Variants in STX7 observed in about 807,000 individuals in gnomAD.
The protein encoded by STX7 is syntaxin-7.
In STX7, 34 loss-of-function variants were observed where a neutral mutation model predicts 39.6. The observed-to-expected ratio is 0.86, with a 90% CI of 0.65 to 1.14. The LOEUF (loss-of-function observed/expected upper bound fraction) is 1.14, where lower values mean the gene tolerates loss of function less well. Ranked by LOEUF, STX7 falls within the 50% of genes most tolerant of loss-of-function variation. STX7 has a pLI of 0.00. For synonymous variants in STX7, 119 were observed against 99.1 expected, an observed-to-expected ratio of 1.20 and a Z score of -1.19; for missense variants, 284 against 310.4, an observed-to-expected ratio of 0.92 and a Z score of 0.64.
chr6:132,470,278 G>C lies in STX7; in HGVS notation c.441-231C>G, dbSNP rs1190075961. Among the ~76,000 whole-genome samples, 3 of 151,828 alleles carry C rather than the reference G, an allele frequency of 2.0e-5. No homozygotes were observed. In the East Asian group the frequency reaches 5.8e-4, roughly 29 times the overall value. Reference sequence around the variant, plus strand: ...AGTTTAGAGTTATTACTTAATTATTGGAAGCTGTATCTGTCAACTGGGTAT... The same window carrying C: ...AGTTTAGAGTTATTACTTAATTATTCGAAGCTGTATCTGTCAACTGGGTAT... On this transcript the variant is annotated intron_variant, in intron 6 of 9. Transcript: ENST00000367941.
At chr6:132,507,907 T>C (rs568094682) in intron 1 of STX7, among the ~76,000 whole-genome samples, 16 of 152,240 alleles carry the variant, frequency 1.1e-4, no homozygotes, top group Non-Finnish European at 2.2e-4. Flanking sequence ...CGCACATCCA[T>C]GTCTCCAGCT....
At chr6:132,489,260 T>C (rs1582669764) in intron 2 of STX7, among the ~76,000 whole-genome samples, 2 of 139,376 alleles carry the variant, frequency 1.4e-5, no homozygotes, top group African/African-American at 5.4e-5. Flanking sequence ...AGAAATGGCA[T>C]AGATCTTTGT....
Position 132,455,199 on chromosome 6 carries a change from T to C in STX7, c.*5559A>G, listed in dbSNP as rs1183791237. On this transcript the variant is annotated 3_prime_UTR_variant, in exon 10 of 10. Transcript: ENST00000367941. Reference sequence around the variant, plus strand: ...CATCTTACTTGGATTAAAAACCTAATTTCTAGAAAACAGGTTCTCTTCTTT... The same window carrying C: ...CATCTTACTTGGATTAAAAACCTAACTTCTAGAAAACAGGTTCTCTTCTTT... 2.0e-5 allele frequency: 3 copies of C among 152,206 alleles called. No individual in the cohort carries two copies. The highest frequency in any genetic ancestry group is 2.9e-5 in the Non-Finnish European group (2 of 68,028). 9.4% of individuals were successfully genotyped at this position (152,206 alleles called of 1,614,324 possible).
At chr6:132,493,400 T>G (rs959359869) in intron 2 of STX7, among the ~76,000 whole-genome samples, 1 of 152,076 alleles carries the variant, frequency 6.6e-6, no homozygotes, top group Non-Finnish European at 1.5e-5. Context: ...AACTCCCACA[T>G]GTTGTGAGAG....
intron 2 of STX7, among the ~76,000 whole-genome samples, chr6:132,497,484 T>C (rs927793794): frequency 6.6e-6 from 1 of 152,194 alleles, no homozygotes; most frequent in Non-Finnish European, 1.5e-5. Context: ...GGTAATACAA[T>C]AGAAAATTCA....
rs575313910 is a variant in STX7, at chr6:132,460,505, G to T, written c.*253C>A. The T allele has an allele frequency of 5.2e-4, 161 of 312,418 alleles. 3 individuals carry two copies. The South Asian group carries it at 9.5e-3, about 19-fold the overall frequency. The allele number at this position is 312,418 out of a possible 1,614,324, so 19.4% of individuals were successfully genotyped here. The stretch of plus-strand genomic sequence containing the variant: ...ATAAATGAAAGGCATATGCAATGTG[G>T]GCAAAAACTTAACAACTATTAAATT... On this transcript the variant is annotated 3_prime_UTR_variant, in exon 10 of 10. Coordinates refer to ENST00000367941, the MANE Select transcript of STX7 (RefSeq NM_003569.3).
chr6:132,471,340 A>T, intron 5 of STX7, 123 bp downstream of exon 5: 4 of 1,125,900 alleles, frequency 3.6e-6, no homozygotes, highest in Non-Finnish European at 2.4e-6. Flanking sequence ...ATAAATATTC[A>T]AGAGCTGATT....
At chr6:132,482,849 T>G (rs1775045410) in intron 2 of STX7, among the ~76,000 whole-genome samples, 1 of 152,130 alleles carries the variant, frequency 6.6e-6, no homozygotes. Flanking sequence ...GACTTGATTT[T>G]ATATACTACT....
chr6:132,491,976 C>CA (rs1775300985), intron 2 of STX7, among the ~76,000 whole-genome samples: 1 of 152,178 alleles, frequency 6.6e-6, no homozygotes, highest in Non-Finnish European at 1.5e-5. Flanking sequence ...AACCACTTGA[C>CA]AAAATCTAAA....
intron 2 of STX7, among the ~76,000 whole-genome samples, chr6:132,480,310 G>A (rs905198590): frequency 6.6e-5 from 10 of 152,156 alleles, no homozygotes; most frequent in African/African-American, 1.9e-4. Context: ...TGGGAGACAA[G>A]CATCTTGGGA....
intron 2 of STX7, among the ~76,000 whole-genome samples, chr6:132,481,325 T>G (rs1775011398): frequency 6.6e-6 from 1 of 152,040 alleles, no homozygotes; most frequent in Non-Finnish European, 1.5e-5. Context: ...AGAGCCAATC[T>G]TTGGAGGGGG....
intron 1 of STX7, among the ~76,000 whole-genome samples, chr6:132,510,793 G>A (rs9493345): frequency 0.08 from 12,201 of 152,188 alleles, 652 homozygotes; most frequent in East Asian, 0.16. Context: ...GAATCAAAGT[G>A]CAACACTCAG....
At chr6:132,472,832 A>G (rs1246975091) in intron 3 of STX7, among the ~76,000 whole-genome samples, 1 of 151,764 alleles carries the variant, frequency 6.6e-6, no homozygotes, top group Non-Finnish European at 1.5e-5. Flanking sequence ...CTCTATGTGA[A>G]CATGTATATG....
In STX7 at chr6:132,450,408, G is replaced by A. The variant is rs147838002; in HGVS notation, c.*10350C>T. On this transcript the variant is annotated 3_prime_UTR_variant, in exon 10 of 10. Coordinates refer to ENST00000367941, the MANE Select transcript of STX7 (RefSeq NM_003569.3). ...AAAATCTATGTTTGGTTATTTATCT[G>A]TACTTTCATTCCTAAATTTTTTATG... 1.6e-4 allele frequency: 24 copies of A among 151,896 alleles called. No homozygotes were observed. The highest frequency in any genetic ancestry group is 4.1e-4 in the African/African-American group (17 of 41,410). 9.4% of individuals were successfully genotyped at this position (151,896 alleles called of 1,614,324 possible). A position where few individuals can be genotyped will look rare whatever the true frequency, so the allele number is the denominator to read the frequency against.
intron 2 of STX7, among the ~76,000 whole-genome samples, chr6:132,500,046 C>T (rs1308578412): frequency 1.3e-5 from 2 of 152,174 alleles, no homozygotes; most frequent in Non-Finnish European, 2.9e-5. Flanking sequence ...CTCCAAAACA[C>T]ACTCATTGCT....
chr6:132,506,977 A>C (rs1360430106), intron 1 of STX7, among the ~76,000 whole-genome samples: 2 of 152,202 alleles, frequency 1.3e-5, no homozygotes, highest in Non-Finnish European at 2.9e-5. Flanking sequence ...TTCAACCTTA[A>C]AAAAGACTGA....
In STX7 at chr6:132,494,421, G is replaced by C. The variant is rs562365413; in HGVS notation, c.85+9025C>G. 5.9e-5 allele frequency among the ~76,000 whole-genome samples: 9 copies of C among 152,146 alleles called. No individual in the cohort carries two copies. The South Asian group carries it at 1.9e-3, about 32-fold the overall frequency. ...ATAGTACTTTAATTTACTGATAAAA[G>C]GCAATATAAAAACAAAACAGGTTAA... On this transcript the variant is annotated intron_variant, in intron 2 of 9. Coordinates refer to ENST00000367941, the MANE Select transcript of STX7 (RefSeq NM_003569.3).
chr6:132,453,751 G>C lies in STX7; in HGVS notation c.*7007C>G, dbSNP rs1386443494. The C allele has an allele frequency of 6.6e-6, 1 of 151,910 alleles. No homozygotes were observed. Among genetic ancestry groups the C allele is most frequent in the East Asian group, 1.9e-4 (1 of 5,182 alleles). 9.4% of individuals were successfully genotyped at this position (151,910 alleles called of 1,614,324 possible). On this transcript the variant is annotated 3_prime_UTR_variant, in exon 10 of 10. Transcript: ENST00000367941. ...ATGAGCTGTCACTATACACTTATCA[G>C]AATGACTAAAATAAAAAAGAGACAC... is the stretch of plus-strand genomic sequence containing the variant.
intron 2 of STX7, among the ~76,000 whole-genome samples, chr6:132,487,108 T>C (rs1010117503): frequency 6.6e-6 from 1 of 152,204 alleles, no homozygotes; most frequent in African/African-American, 2.4e-5. Flanking sequence ...AGTGAAGATA[T>C]TTGAGTCTGG....
Sources: allele counts gnomAD v4.1 joint callset (sites outside exome capture counted in the v4.1 genomes callset), GRCh38; gene constraint gnomAD v4.1.1; transcripts MANE v1.5; gene names NCBI Gene and HGNC (gene_info 2026-07-23, HGNC 2026-07-21).